The following ZNF254 variants were observed in gnomAD, a reference collection of about 807,000 sequenced individuals.
ZNF254 encodes zinc finger protein 254.
Under a neutral mutation model 12.4 loss-of-function variants are expected in ZNF254, and 10 were observed. That is an observed-to-expected ratio of 0.80 (90% CI 0.50 to 1.36). ZNF254 has a LOEUF of 1.36. ZNF254 is among the 40% of genes most tolerant of loss of function. The probability of loss-of-function intolerance (pLI) is 0.00; values close to 1 mark genes in which losing one functional copy is unlikely to be tolerated. For synonymous variants in ZNF254, 305 were observed against 253.4 expected (o/e 1.20, Z -1.93); for missense variants, 996 against 763.9 (o/e 1.30, Z -3.58).
In ZNF254 at chr19:24,105,946, T is replaced by A; in HGVS notation, c.37T>A (p.Leu13Met). The change falls in exon 2 of 4, where the codon TTG becomes ATG. Residue 13 changes from leucine (L) to methionine (M), a missense_variant. Coordinates refer to ENST00000357002, the MANE Select transcript of ZNF254 (RefSeq NM_203282.4). ...GPPRSLEMGL[L>M]TFRDVAIEFS... ...GTTTGTGTGTGTTTTCCAGGGACTGTTGACATTTAGGGATGTGGCCATAGA... is the reference window on the plus strand; with the variant it reads ...GTTTGTGTGTGTTTTCCAGGGACTGATGACATTTAGGGATGTGGCCATAGA... The A allele has an allele frequency of 6.3e-7, 1 of 1,593,468 alleles. No homozygotes were observed. Among genetic ancestry groups the A allele is most frequent in the Non-Finnish European group, 8.6e-7 (1 of 1,167,452 alleles).
intron 3 of ZNF254, among the ~76,000 whole-genome samples, chr19:24,122,130 A>G (rs1231647768): frequency 6.6e-6 from 1 of 152,192 alleles, no homozygotes; most frequent in Non-Finnish European, 1.5e-5. Context: ...CAGTTAAGTC[A>G]CACTAATTAT....
intron 1 of ZNF254, among the ~76,000 whole-genome samples, chr19:24,101,781 CTT>C (rs1391761265): frequency 6.6e-6 from 1 of 152,168 alleles, no homozygotes; most frequent in Non-Finnish European, 1.5e-5. Context: ...ACCTAGGTGT[CTT>C]TGAGACATTT....
At chr19:24,055,232 A>AAAAAAAAAAAAAAAACAG (rs1555753129) in intron 2 of ZNF254, among the ~76,000 whole-genome samples, 1 of 122,632 alleles carries the variant, frequency 8.2e-6, no homozygotes. Context: ...AAAAAAAAAA[A>AAAAAAAAAAAAAAAACAG]GAGTGTACTA....
At position 24,103,423 on chromosome 19, in the gene ZNF254, G is replaced by A. The variant is rs1416411201; in HGVS notation, c.31-2517G>A. Among the ~76,000 whole-genome samples, 5 of 152,286 alleles carry A rather than the reference G, an allele frequency of 3.3e-5. No homozygotes were observed. The East Asian group carries it at 9.7e-4, about 29-fold the overall frequency. ...CAAAGCGATTCATAAGCTCATTAAA[G>A]CTTGAGTGATAATGCTTAGGTAAGT... On this transcript the variant is annotated intron_variant, in intron 1 of 3. Transcript: ENST00000357002.
chr19:24,127,410 A>G lies in ZNF254; in HGVS notation c.1410A>G (p.Ala470=). 1.9e-6 allele frequency: 3 copies of G among 1,609,830 alleles called. No homozygotes were observed. The highest frequency in any genetic ancestry group is 2.2e-5 in the South Asian group (2 of 90,938). Residue 470 remains alanine, a synonymous_variant, in exon 4 of 4, where the codon GCA becomes GCG. Transcript: ENST00000357002. ...ACAAATGTGAAGAATGTGGCAAGGC[A>G]TTTATATGGTCCTCAACCCTAACTA... ...KPYKCEECGK[A]FIWSSTLTRH...
chr19:24,060,322 CTCT>C (rs1166939107), intron 2 of ZNF254, among the ~76,000 whole-genome samples: 6 of 152,158 alleles, frequency 3.9e-5, no homozygotes. Context: ...TGTTACTTGC[CTCT>C]TCTTCACAGA....
At chr19:24,090,551 C>T (rs1480194019) in intron 1 of ZNF254, among the ~76,000 whole-genome samples, 1 of 152,118 alleles carries the variant, frequency 6.6e-6, no homozygotes, top group East Asian at 1.9e-4. Flanking sequence ...ATTCTCATGC[C>T]TCAGCCTCCC....
chr19:24,121,033 C>CT (rs922546507), intron 3 of ZNF254, among the ~76,000 whole-genome samples: 11 of 151,204 alleles, frequency 7.3e-5, no homozygotes, highest in Admixed American at 5.9e-4. Context: ...GCCACAGTGC[C>CT]TGGCCATCAT....
At chr19:24,094,897 G>A (rs1228124122) in intron 1 of ZNF254, among the ~76,000 whole-genome samples, 1 of 151,974 alleles carries the variant, frequency 6.6e-6, no homozygotes, top group Non-Finnish European at 1.5e-5. Flanking sequence ...ATGTTAGCCA[G>A]GTTGATCTCA....
chr19:24,088,676 G>T (rs917326296), intron 1 of ZNF254, among the ~76,000 whole-genome samples: 3 of 151,824 alleles, frequency 2.0e-5, no homozygotes, highest in Admixed American at 1.3e-4. Context: ...TGAGACAGAG[G>T]CTTGCTCGGT....
Position 24,129,276 on chromosome 19 carries a change from CTA to C in ZNF254, c.*1298_*1299del, listed in dbSNP as rs1313710840. On this transcript the variant is annotated 3_prime_UTR_variant, in exon 4 of 4. Transcript: ENST00000357002. ...GTACTTCTATGAAATAATATGCAGT[CTA>C]TTTTTAAATTATAAATTATGTGTGA... 15 of 151,936 alleles carry C rather than the reference CTA, an allele frequency of 9.9e-5. No homozygotes were observed. The highest frequency in any genetic ancestry group is 3.6e-4 in the African/African-American group (15 of 41,402). The allele number at this position is 151,936 out of a possible 1,614,324, so 9.4% of individuals were successfully genotyped here. A position where few individuals can be genotyped will look rare whatever the true frequency, so the allele number is the denominator to read the frequency against.
chr19:24,085,408 GTATA>G (rs377541868), upstream of ZNF254, among the ~76,000 whole-genome samples: 15 of 32,712 alleles, frequency 4.6e-4, no homozygotes, highest in South Asian at 7.2e-3. Flanking sequence ...TTTGTTAAGG[GTATA>G]TATATATATA....
rs529835060 is a variant in ZNF254, at chr19:24,060,761, A to T, written c.-94+14482A>T. On this transcript the variant is annotated intron_variant, in intron 2 of 4. Transcript: ENST00000613065. The stretch of plus-strand genomic sequence containing the variant: ...CTCTCCTTCCTGGGAACTGTCCATA[A>T]TGAAGATTGTGACACATCACTTGGC... 1.9e-4 allele frequency among the ~76,000 whole-genome samples: 29 copies of T among 152,214 alleles called. No individual in the cohort carries two copies. In the Middle Eastern group the frequency reaches 0.014, roughly 71 times the overall value.
chr19:24,094,074 T>C (rs1172410414), intron 1 of ZNF254, among the ~76,000 whole-genome samples: 1 of 152,148 alleles, frequency 6.6e-6, no homozygotes, highest in Non-Finnish European at 1.5e-5. Flanking sequence ...TTGGCTTGGA[T>C]GTTGTTGATT....
At chr19:24,075,663 C>A (rs1416584036) in intron 2 of ZNF254, among the ~76,000 whole-genome samples, 1 of 152,188 alleles carries the variant, frequency 6.6e-6, no homozygotes, top group Admixed American at 6.5e-5. Context: ...CCATGTCCCG[C>A]TGTGCATGCA....
intron 2 of ZNF254, among the ~76,000 whole-genome samples, chr19:24,056,812 A>T (rs921171552): frequency 6.6e-6 from 1 of 152,188 alleles, no homozygotes; most frequent in African/African-American, 2.4e-5. Context: ...CCCTGGTTTC[A>T]GGAGGAAATT....
intron 1 of ZNF254, among the ~76,000 whole-genome samples, chr19:24,100,330 C>T (rs1355966378): frequency 1.3e-5 from 2 of 151,448 alleles, no homozygotes; most frequent in African/African-American, 2.4e-5. Flanking sequence ...TGCTGCTACT[C>T]CACCCATCCG....
chr19:24,072,374 G>A (rs936247380), intron 2 of ZNF254, among the ~76,000 whole-genome samples: 1 of 152,156 alleles, frequency 6.6e-6, no homozygotes. Flanking sequence ...GTTTCGCCAT[G>A]TTGGCCAGGC....
chr19:24,105,366 A>C (rs535757493), intron 1 of ZNF254: 81 of 234,388 alleles, frequency 3.5e-4, no homozygotes, highest in Middle Eastern at 1.7e-3. Context: ...AAAAAAAAAA[A>C]CAAAAAACAA....
Sources: allele counts gnomAD v4.1 joint callset (sites outside exome capture counted in the v4.1 genomes callset), GRCh38; gene constraint gnomAD v4.1.1; transcripts MANE v1.5; gene names NCBI Gene and HGNC (gene_info 2026-07-23, HGNC 2026-07-21).